Variants in BLK observed in about 807,000 individuals in gnomAD.
BLK encodes the protein tyrosine-protein kinase Blk.
BLK carries 64 observed loss-of-function variants against 61.8 expected under a neutral mutation model. The ratio of observed to expected loss-of-function variants is 1.03; its 90% CI spans 0.85 to 1.27. The LOEUF (loss-of-function observed/expected upper bound fraction) is 1.27. Among genes scored for constraint, BLK ranks in the 50% most tolerant of loss-of-function variants. BLK has a pLI of 0.00. For synonymous variants in BLK, 351 were observed against 272.0 expected (o/e 1.29, Z -2.86); for missense variants, 853 against 660.5 (o/e 1.29, Z -3.19).
chr8:11,531,291 T>G (rs995530509), intron 1 of BLK, among the ~76,000 whole-genome samples: 1 of 152,242 alleles, frequency 6.6e-6, no homozygotes, highest in Non-Finnish European at 1.5e-5. Context: ...GTTTTTAAAG[T>G]GCAGAAGTTC....
intron 5 of BLK, 126 bp downstream of exon 5, chr8:11,549,248 A>C: frequency 1.2e-6 from 1 of 839,394 alleles, no homozygotes; most frequent in Admixed American, 2.0e-5. Context: ...CAAAGAGGGG[A>C]CAGGAAATGA....
At chr8:11,531,943 C>G (rs1181291338) in intron 1 of BLK, among the ~76,000 whole-genome samples, 1 of 152,136 alleles carries the variant, frequency 6.6e-6, no homozygotes, top group African/African-American at 2.4e-5. Context: ...ACTGCAACCA[C>G]AGCCTCTCGA....
rs142352008 is a variant in BLK at position 11,543,340 on chromosome 8, C to T, written c.116C>T (p.Pro39Leu). 2.7e-3 allele frequency: 4,403 copies of T among 1,613,148 alleles called. 9 individuals carry two copies. Among genetic ancestry groups the T allele is most frequent in the Non-Finnish European group, 3.3e-3 (3,870 of 1,180,026 alleles). The change falls in exon 2 of 13, where the codon CCG becomes CTG. Residue 39 changes from proline (P) to leucine (L), a missense_variant. Coordinates refer to ENST00000259089, the MANE Select transcript of BLK (RefSeq NM_001715.3). The stretch of plus-strand genomic sequence containing the variant: ...CAAGACAAGGACGCCCCGCCACTGC[C>T]GCCCCTGGTGAGTGATTGCCCACCC... The part of the protein sequence containing the change: ...SAQDKDAPPL[P>L]PLVVFNHLTP...
intron 1 of BLK, among the ~76,000 whole-genome samples, chr8:11,502,052 A>G (rs1368120048): frequency 2.0e-5 from 3 of 152,222 alleles, no homozygotes; most frequent in African/African-American, 4.8e-5. Context: ...AGTTGCTAAC[A>G]TGACTTGCGT....
chr8:11,540,495 T>C (rs1195069533), intron 1 of BLK, among the ~76,000 whole-genome samples: 1 of 152,146 alleles, frequency 6.6e-6, no homozygotes, highest in Non-Finnish European at 1.5e-5. Context: ...CTTCAGATGA[T>C]TTTATGCAAT....
At chr8:11,548,649 C>T (rs536878305) in intron 4 of BLK, among the ~76,000 whole-genome samples, 122 of 152,326 alleles carry the variant, frequency 8.0e-4, no homozygotes, top group African/African-American at 2.8e-3. Flanking sequence ...TCTCCAAAGG[C>T]CCTGAGCCAA....
At chr8:11,546,814 G>A (rs535960323) in intron 3 of BLK, among the ~76,000 whole-genome samples, 161 of 152,330 alleles carry the variant, frequency 1.1e-3, no homozygotes, top group African/African-American at 3.7e-3. Flanking sequence ...GACCTCAGGT[G>A]ATCTGCCCGC....
At chr8:11,560,379 G>GTGGATGGA (rs1007957804) in intron 10 of BLK, 2 of 213,328 alleles carry the variant, frequency 9.4e-6, no homozygotes, top group Non-Finnish European at 9.4e-6. Context: ...GGATGGGTGG[G>GTGGATGGA]TGGATGGATG....
intron 1 of BLK, among the ~76,000 whole-genome samples, chr8:11,514,659 G>C (rs574751271): frequency 5.9e-4 from 90 of 152,282 alleles, no homozygotes; most frequent in Admixed American, 1.1e-3. Flanking sequence ...CTCTGGGCTC[G>C]AGTAGCCCGT....
chr8:11,558,329 C>T (rs773186823), intron 10 of BLK: 5 of 441,954 alleles, frequency 1.1e-5, no homozygotes, highest in African/African-American at 4.0e-5. Context: ...GAAGAGAGGG[C>T]GAATGAATGT....
Position 11,555,338 on chromosome 8 carries a change from G to A in BLK, c.626G>A (p.Gly209Glu). Residue 209 changes from glycine to glutamate, a missense_variant, in exon 8 of 13, where the codon GGG (glycine) becomes GAG (glutamate). By Grantham distance (98) the Gly-to-Glu change is moderately conservative. Transcript: ENST00000259089. ...CTTTTCTTCCCTAATGCAGAGAAGG[G>A]GGATGGTCTATGCCAGAGGCTGACC... ...QALVQHYSKK[G>E]DGLCQRLTLP... 2.5e-6 allele frequency: 4 copies of A among 1,614,074 alleles called. No individual in the cohort carries two copies. The highest frequency in any genetic ancestry group is 2.5e-6 in the Non-Finnish European group (3 of 1,180,016).
At chr8:11,505,118 A>G (rs1266535859) in intron 1 of BLK, among the ~76,000 whole-genome samples, 2 of 152,206 alleles carry the variant, frequency 1.3e-5, no homozygotes, top group African/African-American at 4.8e-5. Context: ...GCACACATAC[A>G]GGTACATCTA....
chr8:11,514,463 G>A (rs1051382776), intron 1 of BLK, among the ~76,000 whole-genome samples: 9 of 152,364 alleles, frequency 5.9e-5, no homozygotes, highest in Admixed American at 5.2e-4. Flanking sequence ...GCCATCCCAG[G>A]TCTCAGAAGC....
chr8:11,541,627 A>C (rs1316633202), intron 1 of BLK, among the ~76,000 whole-genome samples: 1 of 151,854 alleles, frequency 6.6e-6, no homozygotes, highest in Admixed American at 6.6e-5. Flanking sequence ...CCTCCTGAGT[A>C]GCTGGGATTA....
chr8:11,543,652 C>G (rs1284123845), intron 2 of BLK, among the ~76,000 whole-genome samples: 2 of 152,174 alleles, frequency 1.3e-5, no homozygotes, highest in African/African-American at 4.8e-5. Flanking sequence ...GCTACTACCT[C>G]TCTTCTCCCC....
intron 1 of BLK, among the ~76,000 whole-genome samples, chr8:11,527,324 T>C (rs1022684505): frequency 6.6e-6 from 1 of 152,172 alleles, no homozygotes; most frequent in African/African-American, 2.4e-5. Flanking sequence ...TATATACTCT[T>C]GTATAAAGTC....
At chr8:11,528,219 T>G (rs2117365224) in intron 1 of BLK, among the ~76,000 whole-genome samples, 1 of 152,234 alleles carries the variant, frequency 6.6e-6, no homozygotes, top group South Asian at 2.1e-4. Flanking sequence ...GTATTTTTTG[T>G]AGAGATGGAG....
In BLK at chr8:11,518,885, G is replaced by A. The variant is rs116138178; in HGVS notation, c.-2+24294G>A. On this transcript the variant is annotated intron_variant, in intron 1 of 12. Coordinates refer to ENST00000259089, the MANE Select transcript of BLK (RefSeq NM_001715.3). The stretch of plus-strand genomic sequence containing the variant: ...GAGCCGTCTCTCTGCTCTGCCCTCT[G>A]TGCTTTGCAAAGCCTCTCCTTGCCA... Among the ~76,000 whole-genome samples, 597 of 152,232 alleles carry A rather than the reference G, an allele frequency of 3.9e-3. 4 individuals carry two copies. The highest frequency in any genetic ancestry group is 0.013 in the African/African-American group (550 of 41,522).
chr8:11,499,858 T>C (rs886638058), intron 1 of BLK, among the ~76,000 whole-genome samples: 14 of 151,776 alleles, frequency 9.2e-5, no homozygotes, highest in South Asian at 2.1e-4. Context: ...TTTATACACA[T>C]TTTTTTTTCT....
Sources: gnomAD v4.1 joint callset for allele counts (sites outside exome capture counted in the v4.1 genomes callset) on GRCh38, gnomAD v4.1.1 for gene constraint, MANE v1.5 for transcripts, NCBI Gene and HGNC (gene_info 2026-07-23, HGNC 2026-07-21) for gene names.